Variants in TPTE2 observed in about 807,000 individuals in gnomAD.
The protein encoded by TPTE2 is phosphatidylinositol 3,4,5-trisphosphate 3-phosphatase TPTE2.
A neutral mutation model predicts 78.6 loss-of-function variants in TPTE2; 53 were observed. The observed-to-expected ratio is 0.67, with a 90% confidence interval of 0.54 to 0.85. The LOEUF is 0.85. TPTE2 is among the 40% of genes least tolerant of loss of function. TPTE2 has a pLI of 0.00. For missense variants in TPTE2, 461 were observed against 623.0 expected (o/e 0.74, Z 2.77); for synonymous variants, 175 against 206.2 (o/e 0.85, Z 1.30).
chr13:19,543,497 C>A, the TPTE2 span, among the ~76,000 whole-genome samples: 1 of 151,736 alleles, frequency 6.6e-6, no homozygotes, highest in African/African-American at 2.4e-5. Context: ...GCTGGGACTA[C>A]AAGCACCTGC....
chr13:19,437,082 C>T (rs1032040757), intron 14 of TPTE2, among the ~76,000 whole-genome samples: 9 of 140,252 alleles, frequency 6.4e-5, no homozygotes, highest in African/African-American at 2.3e-4. Context: ...AATATTTAAA[C>T]CTTTTGATAT....
upstream of TPTE2, among the ~76,000 whole-genome samples, chr13:19,541,179 A>T (rs923343331): frequency 2.0e-5 from 3 of 152,330 alleles, no homozygotes; most frequent in East Asian, 5.8e-4. Flanking sequence ...GTTTCTTGCC[A>T]GGTGGCTCAT....
At chr13:19,454,225 G>A (rs1278047172) in intron 10 of TPTE2, among the ~76,000 whole-genome samples, 1 of 152,076 alleles carries the variant, frequency 6.6e-6, no homozygotes, top group Non-Finnish European at 1.5e-5. Context: ...TTGCTCATTC[G>A]CTGTTGTTCA....
intron 1 of TPTE2, among the ~76,000 whole-genome samples, chr13:19,530,103 C>T (rs1404140724): frequency 6.6e-6 from 1 of 152,162 alleles, no homozygotes; most frequent in Non-Finnish European, 1.5e-5. Flanking sequence ...TACAATTATT[C>T]TTAAAAGCCA....
chr13:19,514,518 C>G (rs938432424), intron 1 of TPTE2, among the ~76,000 whole-genome samples: 4 of 150,182 alleles, frequency 2.7e-5, no homozygotes, highest in African/African-American at 9.8e-5. Flanking sequence ...TTTCAGGACA[C>G]AAAAAATAAA....
At chr13:19,466,182 A>G (rs1007695168) in intron 7 of TPTE2, among the ~76,000 whole-genome samples, 4 of 152,190 alleles carry the variant, frequency 2.6e-5, no homozygotes, top group Admixed American at 1.3e-4. Context: ...GCACATGTCA[A>G]TAAGAGCCAC....
chr13:19,454,869 T>C (rs1188932664), intron 10 of TPTE2, among the ~76,000 whole-genome samples: 1 of 152,232 alleles, frequency 6.6e-6, no homozygotes, highest in Non-Finnish European at 1.5e-5. Flanking sequence ...GGGCTCAATT[T>C]AGACATGCTA....
intron 3 of TPTE2, among the ~76,000 whole-genome samples, chr13:19,489,485 A>G (rs1880853953): frequency 1.3e-5 from 2 of 150,714 alleles, no homozygotes; most frequent in South Asian, 2.1e-4. Flanking sequence ...ATGTTTACAT[A>G]TATATACACA....
At chr13:19,430,701 T>C (rs1331366584) in intron 16 of TPTE2, among the ~76,000 whole-genome samples, 154 bp from the exon 20 acceptor site, 2 of 152,230 alleles carry the variant, frequency 1.3e-5, no homozygotes, top group Non-Finnish European at 2.9e-5. Flanking sequence ...ATTTTGTCTT[T>C]GAAAGACAAG....
chr13:19,483,532 C>T (rs1880480997), intron 3 of TPTE2, among the ~76,000 whole-genome samples: 1 of 151,956 alleles, frequency 6.6e-6, no homozygotes, highest in African/African-American at 2.4e-5. Flanking sequence ...TTATTTGGTT[C>T]TTCCCTTTTT....
At chr13:19,471,605 CTATTTA>C (rs1231796223) in intron 6 of TPTE2, among the ~76,000 whole-genome samples, 1 of 149,660 alleles carries the variant, frequency 6.7e-6, no homozygotes, top group Admixed American at 6.6e-5. Context: ...TTTGTTATTT[CTATTTA>C]TATCTTATTA....
At chr13:19,490,010 T>C (rs940181296) in intron 3 of TPTE2, among the ~76,000 whole-genome samples, 1 of 152,180 alleles carries the variant, frequency 6.6e-6, no homozygotes, top group African/African-American at 2.4e-5. Context: ...CTGGTTGAAC[T>C]CTGAAAATGT....
the TPTE2 span, among the ~76,000 whole-genome samples, chr13:19,543,327 A>G: frequency 1.3e-5 from 2 of 150,438 alleles, no homozygotes; most frequent in Non-Finnish European, 3.0e-5. Flanking sequence ...TGCTGGGATT[A>G]CAGGCATGAG....
At chr13:19,522,338 A>G (rs1057110692) in intron 1 of TPTE2, among the ~76,000 whole-genome samples, 3 of 152,224 alleles carry the variant, frequency 2.0e-5, no homozygotes, top group African/African-American at 7.2e-5. Flanking sequence ...ATAATAAGAA[A>G]AGAAAAATAT....
At chr13:19,534,747 T>C (rs1329906421) in intron 1 of TPTE2, among the ~76,000 whole-genome samples, 3 of 152,182 alleles carry the variant, frequency 2.0e-5, no homozygotes, top group Non-Finnish European at 4.4e-5. Flanking sequence ...AATAAAATCT[T>C]CCCAATTTGT....
chr13:19,471,139 A>G (rs1048774484), intron 6 of TPTE2, among the ~76,000 whole-genome samples: 2 of 151,830 alleles, frequency 1.3e-5, no homozygotes, highest in Non-Finnish European at 2.9e-5. Flanking sequence ...CTAGCTCTTG[A>G]CCTCATGATC....
rs759307577 is a variant in TPTE2 at position 19,436,279 on chromosome 13, G to A, written c.1063C>T (p.Arg355Ter). The change falls in exon 15 of 20, where the codon CGA becomes TGA. Residue 355 changes from arginine (R) to a stop codon, truncating the protein, a stop_gained. Coordinates refer to ENST00000400230, the Ensembl canonical transcript of TPTE2. LOFTEE classifies it high-confidence loss of function. ...TTATTGCTGTGGGTTTTATTGGTTC[G>A]CCTTTCTCCAAAATAATATAGGCTT... 3.0e-5 allele frequency: 49 copies of A among 1,613,010 alleles called. No individual in the cohort carries two copies. The highest frequency in any genetic ancestry group is 3.3e-4 in the Middle Eastern group (2 of 6,052).
chr13:19,444,135 T>G (rs530184389), intron 13 of TPTE2, among the ~76,000 whole-genome samples: 1 of 150,670 alleles, frequency 6.6e-6, no homozygotes, highest in Non-Finnish European at 1.5e-5. Context: ...CGAAACCCCA[T>G]CTCTACAAAA....
chr13:19,488,101 T>C (rs913428776), intron 3 of TPTE2, among the ~76,000 whole-genome samples: 4 of 152,204 alleles, frequency 2.6e-5, no homozygotes, highest in African/African-American at 9.7e-5. Flanking sequence ...ACCACAGATG[T>C]GTCTGCACTC....
Sources: allele counts gnomAD v4.1 joint callset (sites outside exome capture counted in the v4.1 genomes callset), GRCh38; gene constraint gnomAD v4.1.1; transcripts MANE v1.5; gene names NCBI Gene and HGNC (gene_info 2026-07-23, HGNC 2026-07-21).